The following DNAH1 variants were observed in gnomAD, a reference collection of about 807,000 sequenced individuals.
The protein encoded by DNAH1 is axonemal beta dynein heavy chain 1.
A neutral mutation model predicts 484.3 loss-of-function variants in DNAH1; 327 were observed. The ratio of observed to expected loss-of-function variants is 0.68; its 90% CI spans 0.62 to 0.74. The LOEUF (loss-of-function observed/expected upper bound fraction) is 0.74, where lower values mean the gene tolerates loss of function less well. DNAH1 is among the 30% of genes least tolerant of loss of function. DNAH1 has a pLI of 0.00. For missense variants in DNAH1, 5,052 were observed against 5,546.8 expected (o/e 0.91, Z 2.83); for synonymous variants, 2,192 against 2,191.9 (o/e 1.00, Z 0.00).
intron 11 of DNAH1, 50 bp downstream of exon 11, chr3:52,346,820 C>T: frequency 6.4e-7 from 1 of 1,551,040 alleles, no homozygotes; most frequent in Non-Finnish European, 8.8e-7. Flanking sequence ...TGATGTGTCA[C>T]CTGCTGGGGA....
chr3:52,331,558 G>A (rs1002839580), intron 7 of DNAH1, among the ~76,000 whole-genome samples: 4 of 152,054 alleles, frequency 2.6e-5, no homozygotes, highest in Non-Finnish European at 4.4e-5. Flanking sequence ...CCCTGGGTGT[G>A]GGATCAAGGG....
At chr3:52,354,783 G>T in intron 20 of DNAH1, 60 bp from the exon 21 acceptor site, 2 of 1,567,394 alleles carry the variant, frequency 1.3e-6, no homozygotes, top group Admixed American at 1.8e-5. Flanking sequence ...GGCAGGGCTG[G>T]TCAGACAGCA....
intron 8 of DNAH1, among the ~76,000 whole-genome samples, chr3:52,338,585 A>C (rs1051566222): frequency 6.6e-6 from 1 of 152,210 alleles, no homozygotes; most frequent in Non-Finnish European, 1.5e-5. Context: ...TGAAGAGCTC[A>C]AGGGTATAGA....
chr3:52,331,287 G>C lies in DNAH1; in HGVS notation c.1011G>C (p.Leu337=), dbSNP rs1455899609. 1.2e-6 allele frequency: 2 copies of C among 1,608,806 alleles called. No homozygotes were observed. The highest frequency in any genetic ancestry group is 1.7e-6 in the Non-Finnish European group (2 of 1,177,768). Residue 337 remains leucine, a synonymous_variant, in exon 7 of 78, where the codon CTG becomes CTC. Transcript: ENST00000420323. ...GAGATGAGATGGGGAGGCCCATCCT[G>C]AATGCAGGGGTCACCACTGAAGGTA... ...LVRDEMGRPI[L]NAGVTTEGRP...
Position 52,384,872 on chromosome 3 carries a change from C to T in DNAH1, c.8409C>T (p.Thr2803=). Residue 2803 remains threonine, a synonymous_variant, in exon 53 of 78, where the codon ACC becomes ACT. Coordinates refer to ENST00000420323, the MANE Select transcript of DNAH1 (RefSeq NM_015512.5). ...AGCTGACCCGCCACAACTATGTGAC[C>T]CCCAAGAGCTACTTGGAGCTGCTTC... ...LAELTRHNYV[T]PKSYLELLHI... is the part of the protein sequence containing the mutation. The T allele has an allele frequency of 1.2e-6, 2 of 1,613,156 alleles. No individual in the cohort carries two copies. The highest frequency in any genetic ancestry group is 4.5e-5 in the East Asian group (2 of 44,850).
At position 52,346,207 on chromosome 3, in the gene DNAH1, G is replaced by A. The variant is rs757450489; in HGVS notation, c.1657-265G>A. ...CTCTGGGTCTCTGTCTCTCGCTCAC[G>A]GCTGGAGGGAAAGTCCTGCTTCTGC... On this transcript the variant is annotated intron_variant, in intron 10 of 77. Transcript: ENST00000420323. Among the ~76,000 whole-genome samples the A allele has an allele frequency of 3.8e-4, 58 of 152,046 alleles. 1 individual carries two copies. The highest frequency in any genetic ancestry group is 8.5e-4 in the Admixed American group (13 of 15,260).
chr3:52,371,847 G>A (rs1022264262), intron 41 of DNAH1, 99 bp from the exon 42 acceptor site: 10 of 1,531,288 alleles, frequency 6.5e-6, no homozygotes, highest in African/African-American at 5.5e-5. Flanking sequence ...AAGCCCAGCC[G>A]TGCAGCTCCT....
intron 8 of DNAH1, among the ~76,000 whole-genome samples, chr3:52,341,415 T>C (rs1244470012): frequency 6.6e-6 from 1 of 151,896 alleles, no homozygotes; most frequent in Non-Finnish European, 1.5e-5. Flanking sequence ...AAGCAGCTGG[T>C]AAAATATGGT....
rs1559552510 is a variant in DNAH1 at position 52,380,012 on chromosome 3, C to T, written c.7485C>T (p.Arg2495=). Residue 2495 remains arginine, a synonymous_variant, in exon 48 of 78, where the codon CGC becomes CGT. Coordinates refer to ENST00000420323, the MANE Select transcript of DNAH1 (RefSeq NM_015512.5). The part of the protein sequence containing the change: ...DRSWFDQLLK[R]CMEQWEVTFN... ...GCTGGTTCGACCAGCTCCTCAAGCG[C>T]TGCATGGAGCAGTGGGAGGTGACCT... is the stretch of plus-strand genomic sequence containing the variant. The T allele has an allele frequency of 6.3e-7, 1 of 1,594,576 alleles. No individual in the cohort carries two copies. Among genetic ancestry groups the T allele is most frequent in the Non-Finnish European group, 8.5e-7 (1 of 1,170,682 alleles).
In DNAH1 at chr3:52,381,573, G is replaced by A; in HGVS notation, c.7609-67G>A. 7.0e-7 allele frequency: 1 copy of A among 1,431,374 alleles called. No homozygotes were observed. The highest frequency in any genetic ancestry group is 2.5e-5 in the East Asian group (1 of 39,744). The allele number at this position is 1,431,374 out of a possible 1,614,324, so 88.7% of individuals were successfully genotyped here. On this transcript the variant is annotated intron_variant, in intron 48 of 77. Transcript: ENST00000420323. This position sits in a 1 kb window ranked among gnomAD's most constrained non-coding sequence, Gnocchi z 4.1. ...AGGACAGAGAAGAAAGCGGGTGGGT[G>A]GGGGGAATCGGGGAGACCCTACAGT...
At chr3:52,370,429 C>G in intron 39 of DNAH1, 48 bp from the exon 40 acceptor site, 53 of 1,612,170 alleles carry the variant, frequency 3.3e-5, no homozygotes, top group Non-Finnish European at 4.5e-5. Context: ...CCTCAGGCCG[C>G]TTGATACTGT....
chr3:52,398,754 G>A, intron 75 of DNAH1, 96 bp from the exon 76 acceptor site: 2 of 1,079,066 alleles, frequency 1.9e-6, no homozygotes, highest in Non-Finnish European at 2.6e-6. Flanking sequence ...TCTATGTTTT[G>A]CCATTGTTTT....
At chr3:52,398,779 T>G (rs1391552790) in intron 75 of DNAH1, 71 bp from the exon 76 acceptor site, 29 of 1,310,882 alleles carry the variant, frequency 2.2e-5, no homozygotes, top group Non-Finnish European at 2.8e-5. Flanking sequence ...TCTGTGGCCT[T>G]GAGCTGCGGA....
At chr3:52,340,016 C>T (rs1701877633) in intron 8 of DNAH1, among the ~76,000 whole-genome samples, 1 of 152,176 alleles carries the variant, frequency 6.6e-6, no homozygotes, top group Non-Finnish European at 1.5e-5. Flanking sequence ...ATTGCATGCC[C>T]TTAAGTCCCT....
intron 44 of DNAH1, chr3:52,373,879 T>TA: frequency 7.2e-7 from 1 of 1,396,862 alleles, no homozygotes; most frequent in South Asian, 1.2e-5. Flanking sequence ...TTTCGAATAT[T>TA]ACCACCTTCC....
Position 52,397,884 on chromosome 3 carries a change from G to A in DNAH1, c.11958+7G>A. On this transcript the variant is annotated splice_region_variant and intron_variant, in intron 74 of 77. Coordinates refer to ENST00000420323, the MANE Select transcript of DNAH1 (RefSeq NM_015512.5). Reference sequence around the variant, plus strand: ...CAGCCAGGGCCGGGAGGAGGTGGGTGGTGTCAGAGTAAGGGGCCCAAGGGC... The same window carrying A: ...CAGCCAGGGCCGGGAGGAGGTGGGTAGTGTCAGAGTAAGGGGCCCAAGGGC... 4 of 1,595,000 alleles carry A rather than the reference G, an allele frequency of 2.5e-6. No individual in the cohort carries two copies. The highest frequency in any genetic ancestry group is 2.6e-6 in the Non-Finnish European group (3 of 1,169,686).
chr3:52,398,487 A>G (rs1704741615), intron 75 of DNAH1, among the ~76,000 whole-genome samples: 1 of 152,108 alleles, frequency 6.6e-6, no homozygotes. Context: ...ACGGGGTTTC[A>G]CCATGTTGGC....
chr3:52,355,093 C>A lies in DNAH1; in HGVS notation c.3693+38C>A, dbSNP rs370365338. On this transcript the variant is annotated intron_variant, in intron 21 of 77. Coordinates refer to ENST00000420323, the MANE Select transcript of DNAH1 (RefSeq NM_015512.5). This position sits in a 1 kb window ranked among gnomAD's most constrained non-coding sequence, Gnocchi z 4.5. ...CCCAGTCCTTCCCTCATCGCTCCCC[C>A]ACTTCAGAGAGCCCGACCCACAGGT... is the stretch of plus-strand genomic sequence containing the variant. 1.1e-3 allele frequency: 1,752 copies of A among 1,595,502 alleles called. 6 individuals carry two copies. The highest frequency in any genetic ancestry group is 1.3e-3 in the Non-Finnish European group (1,529 of 1,167,684).
rs1346856957 is a variant in DNAH1, at chr3:52,361,231, A to C, written c.4753A>C (p.Thr1585Pro). 7 of 1,612,742 alleles carry C rather than the reference A, an allele frequency of 4.3e-6. No individual in the cohort carries two copies. Among genetic ancestry groups the C allele is most frequent in the Non-Finnish European group, 5.9e-6 (7 of 1,179,580 alleles). ...FGGAPAGPAG[T>P]GKTETTKDLG... ...GGGTGCCCCAGCTGGCCCAGCTGGCACAGGCAAAACTGAGACCACCAAAGA... is the reference window on the plus strand; with the variant it reads ...GGGTGCCCCAGCTGGCCCAGCTGGCCCAGGCAAAACTGAGACCACCAAAGA... The change falls in exon 29 of 78, where the codon ACA (threonine) becomes CCA (proline). Residue 1585 changes from threonine to proline, a missense_variant. Coordinates refer to ENST00000420323, the MANE Select transcript of DNAH1 (RefSeq NM_015512.5). The surrounding 1 kb of genome is among the most constrained non-coding windows in gnomAD (Gnocchi z 5.6).
Sources: allele counts gnomAD v4.1 joint callset (sites outside exome capture counted in the v4.1 genomes callset), GRCh38; gene constraint gnomAD v4.1.1; non-coding constraint Gnocchi (gnomAD v3.1); transcripts MANE v1.5; gene names NCBI Gene and HGNC (gene_info 2026-07-23, HGNC 2026-07-21).